ADD1: variants seen among roughly 807,000 people sequenced by gnomAD.
ADD1 encodes the protein alpha-adducin.
A neutral mutation model predicts 80.5 loss-of-function variants in ADD1; 24 were observed. That is an observed-to-expected ratio of 0.30 (90% CI 0.22 to 0.42). ADD1 has a LOEUF of 0.42. ADD1 is among the 10% of genes least tolerant of loss of function. ADD1 has a pLI of 1.00. For synonymous variants in ADD1, 373 were observed against 393.8 expected, an observed-to-expected ratio of 0.95 and a Z score of 0.63; for missense variants, 948 against 1,019.0, an observed-to-expected ratio of 0.93 and a Z score of 0.95.
intron 1 of ADD1, among the ~76,000 whole-genome samples, chr4:2,853,437 C>G (rs1017284197): frequency 6.6e-6 from 1 of 152,006 alleles, no homozygotes; most frequent in Non-Finnish European, 1.5e-5. Flanking sequence ...CTATATAGCT[C>G]TCTAGAAGCA....
intron 1 of ADD1, among the ~76,000 whole-genome samples, chr4:2,866,125 G>C (rs1729506693): frequency 1.3e-5 from 2 of 152,190 alleles, no homozygotes. Flanking sequence ...TTAAGAGTAT[G>C]CTGATTGATA....
intron 13 of ADD1, among the ~76,000 whole-genome samples, chr4:2,913,089 C>G (rs111596690): frequency 0.039 from 5,957 of 152,190 alleles, 200 homozygotes; most frequent in African/African-American, 0.091. Context: ...CTCAGGTGAT[C>G]CACCCGCCTC....
At chr4:2,881,583 G>A (rs866217550) in intron 2 of ADD1, 4 of 209,458 alleles carry the variant, frequency 1.9e-5, no homozygotes, top group African/African-American at 2.3e-5. Context: ...AACGTAGGAT[G>A]TTTTTCCCTT....
At chr4:2,923,346 GT>G (rs1740397771) in intron 14 of ADD1, among the ~76,000 whole-genome samples, 1 of 152,232 alleles carries the variant, frequency 6.6e-6, no homozygotes, top group Non-Finnish European at 1.5e-5. Context: ...GGAATGCACT[GT>G]TTCTCAAGCC....
rs191004238 is a variant in ADD1 at position 2,922,346 on chromosome 4, T to G, written c.1949-3668T>G. The stretch of plus-strand genomic sequence containing the variant: ...ATGTGGATGTCCTTTTTGTTGATGT[T>G]GATGCTATCCCTTTCTGTTTGTTAG... On this transcript the variant is annotated intron_variant, in intron 14 of 15. Coordinates refer to ENST00000683351, the MANE Select transcript of ADD1 (RefSeq NM_001354761.2). Among the ~76,000 whole-genome samples, 167 of 152,332 alleles carry G rather than the reference T, an allele frequency of 1.1e-3. 1 individual carries two copies. Among genetic ancestry groups the G allele is most frequent in the Admixed American group, 3.6e-3 (55 of 15,308 alleles).
intron 14 of ADD1, among the ~76,000 whole-genome samples, chr4:2,920,062 G>T (rs1739742550): frequency 6.6e-6 from 1 of 152,144 alleles, no homozygotes; most frequent in Non-Finnish European, 1.5e-5. Context: ...TGTTTTCAAA[G>T]AACTTATTTA....
In ADD1 at chr4:2,928,643, G is replaced by T; in HGVS notation, c.*120G>T. On this transcript the variant is annotated 3_prime_UTR_variant, in exon 16 of 16. Transcript: ENST00000683351. ...AAAAAGCCAAGCCCTCCGCCTAGAG[G>T]TCCCCTCACGTGACCAGCCCCGTGT... is the stretch of plus-strand genomic sequence containing the variant. 1.8e-6 allele frequency: 2 copies of T among 1,099,356 alleles called. No individual in the cohort carries two copies. Among genetic ancestry groups the T allele is most frequent in the Non-Finnish European group, 2.6e-6 (2 of 759,026 alleles). 68.1% of individuals were successfully genotyped at this position (1,099,356 alleles called of 1,614,324 possible).
At chr4:2,862,075 A>G (rs374233338) in intron 1 of ADD1, among the ~76,000 whole-genome samples, 2 of 152,102 alleles carry the variant, frequency 1.3e-5, no homozygotes, top group East Asian at 1.9e-4. Flanking sequence ...CAAGCAGCTC[A>G]GGGTACTGGG....
chr4:2,897,811 C>T (rs1464982315), intron 6 of ADD1, among the ~76,000 whole-genome samples: 3 of 152,124 alleles, frequency 2.0e-5, no homozygotes, highest in African/African-American at 7.2e-5. Flanking sequence ...TGTGAGCCAC[C>T]ATACCTGATG....
intron 13 of ADD1, among the ~76,000 whole-genome samples, chr4:2,911,119 G>C (rs992267966): frequency 6.6e-6 from 1 of 152,114 alleles, no homozygotes; most frequent in South Asian, 2.1e-4. Flanking sequence ...GAGAAGTTGA[G>C]TTTTTCCTTG....
intron 10 of ADD1, 110 bp downstream of exon 10, chr4:2,905,218 C>A (rs569699001): frequency 4.1e-6 from 4 of 966,918 alleles, no homozygotes; most frequent in Non-Finnish European, 6.2e-6. Context: ...TAAAGCGAAC[C>A]TTCCTTATTC....
At chr4:2,871,121 A>G (rs1333698990) in intron 1 of ADD1, among the ~76,000 whole-genome samples, 1 of 151,932 alleles carries the variant, frequency 6.6e-6, no homozygotes, top group African/African-American at 2.4e-5. Context: ...GGTGCGCGCC[A>G]CCACACCCGG....
chr4:2,904,618 T>TG, intron 9 of ADD1, 146 bp from the exon 10 acceptor site: 1 of 719,876 alleles, frequency 1.4e-6, no homozygotes, highest in Non-Finnish European at 2.3e-6. Flanking sequence ...TTTGCTTCTG[T>TG]GGGGTGTAAA....
chr4:2,896,006 G>T (rs1735146563), intron 6 of ADD1, among the ~76,000 whole-genome samples: 1 of 151,688 alleles, frequency 6.6e-6, no homozygotes, highest in Non-Finnish European at 1.5e-5. Context: ...TCCTGCCTCA[G>T]CCTCCCAAGT....
In ADD1 at chr4:2,910,946, C is replaced by T. The variant is rs532962204; in HGVS notation, c.1791+1515C>T. 7.2e-5 allele frequency among the ~76,000 whole-genome samples: 11 copies of T among 152,292 alleles called. No individual in the cohort carries two copies. The South Asian group carries it at 1.9e-3, about 26-fold the overall frequency. The stretch of plus-strand genomic sequence containing the variant: ...TCCTTATATCTGAAGTTTACTTTTG[C>T]ACCCTTGATCTTTATCCCACTCTGG... On this transcript the variant is annotated intron_variant, in intron 13 of 15. Transcript: ENST00000683351.
At chr4:2,886,288 G>C (rs1457427326) in intron 4 of ADD1, among the ~76,000 whole-genome samples, 1 of 152,194 alleles carries the variant, frequency 6.6e-6, no homozygotes, top group Non-Finnish European at 1.5e-5. Context: ...TCTGGACTCA[G>C]AGGAATGCTA....
intron 15 of ADD1, among the ~76,000 whole-genome samples, chr4:2,927,320 G>T (rs966947267): frequency 5.9e-5 from 9 of 152,238 alleles, no homozygotes; most frequent in Admixed American, 4.6e-4. Context: ...TGGCAGGGTG[G>T]GGGTGCTTCC....
At position 2,904,866 on chromosome 4, in the gene ADD1, G is replaced by C; in HGVS notation, c.1264G>C (p.Ala422Pro). ...VPASVTGYSF[A>P]SDGDSGTCSP... is the part of the protein sequence containing the mutation. ...TGCTAGTGTCACAGGTTACTCCTTT[G>C]CTAGTGACGGTGATTCGGGCACTTG... Residue 422 changes from alanine (A) to proline (P), a missense_variant, in exon 10 of 16, where the codon GCT becomes CCT. Ala to Pro is a conservative substitution (Grantham distance 27, BLOSUM62 -1). Transcript: ENST00000683351. 1.2e-6 allele frequency: 2 copies of C among 1,614,148 alleles called. No individual in the cohort carries two copies. Among genetic ancestry groups the C allele is most frequent in the African/African-American group, 1.3e-5 (1 of 75,022 alleles).
chr4:2,861,179 G>T (rs973600529), intron 1 of ADD1, among the ~76,000 whole-genome samples: 4 of 152,202 alleles, frequency 2.6e-5, no homozygotes, highest in Non-Finnish European at 5.9e-5. Context: ...ACAGAAGGGA[G>T]ACTAGTGTGT....
Sources: allele counts gnomAD v4.1 joint callset (sites outside exome capture counted in the v4.1 genomes callset), GRCh38; gene constraint gnomAD v4.1.1; transcripts MANE v1.5; gene names NCBI Gene and HGNC (gene_info 2026-07-23, HGNC 2026-07-21).